NLRP10: variants seen among roughly 807,000 people sequenced by gnomAD.
The protein encoded by NLRP10 is NLR family pyrin domain containing 10, also known as NACHT, LRR and PYD domains-containing protein 10.
NLRP10 carries 7 observed loss-of-function variants against 8.2 expected under a neutral mutation model. The ratio of observed to expected loss-of-function variants is 0.85; its 90% confidence interval spans 0.48 to 1.60. The LOEUF is 1.60. NLRP10 is among the 40% of genes most tolerant of loss of function. The pLI is 0.00. For missense variants in NLRP10, 814 were observed against 776.3 expected (o/e 1.05, Z -0.58); for synonymous variants, 338 against 314.0 (o/e 1.08, Z -0.81).
Position 7,961,111 on chromosome 11 carries a change from G to C in NLRP10, c.501C>G (p.Ser167=). The change falls in exon 3 of 3, where the codon TCC becomes TCG. Residue 167 remains serine (S), a synonymous_variant. Transcript: ENST00000691676. The stretch of plus-strand genomic sequence containing the variant: ...CAGCCGACCCCTGTAGCACAACTAA[G>C]GATGGGGCCAGTGAGGGCTTTTCCC... The part of the protein sequence containing the change: ...DSGEKPSLAP[S]LVVLQGSAGT... The C allele has an allele frequency of 6.2e-7, 1 of 1,614,174 alleles. No homozygotes were observed. The highest frequency in any genetic ancestry group is 1.1e-5 in the South Asian group (1 of 91,076).
rs1392300596 is a variant in NLRP10, at chr11:7,959,661, T to C, written c.1951A>G (p.Lys651Glu). The change falls in exon 3 of 3, where the codon AAA becomes GAA. Residue 651 changes from lysine to glutamate, a missense_variant. Lys to Glu is a moderately conservative substitution (Grantham distance 56). Coordinates refer to ENST00000691676, the MANE Select transcript of NLRP10 (RefSeq NM_001391958.1). ...GKGRGTEETP[K>E]NTYI ...AATTAGGTTTATATGTAAGTATTTTTTGGTGTTTCCTCTGTCCCTCTGCCT... is the reference window on the plus strand; with the variant it reads ...AATTAGGTTTATATGTAAGTATTTTCTGGTGTTTCCTCTGTCCCTCTGCCT... The C allele has an allele frequency of 1.9e-6, 3 of 1,556,718 alleles. No individual in the cohort carries two copies. Among genetic ancestry groups the C allele is most frequent in the Non-Finnish European group, 1.7e-6 (2 of 1,153,314 alleles).
intron 1 of NLRP10, among the ~76,000 whole-genome samples, chr11:7,964,927 CATT>C (rs1214046935): frequency 1.2e-4 from 19 of 152,330 alleles, no homozygotes; most frequent in African/African-American, 3.6e-4. Flanking sequence ...TCACATTCAT[CATT>C]GAGAGTGTTC....
rs767768256 is a variant in NLRP10 at position 7,963,334 on chromosome 11, C to T, written c.162G>A (p.Pro54=). 16 of 1,614,114 alleles carry T rather than the reference C, an allele frequency of 9.9e-6. No individual in the cohort carries two copies. Among genetic ancestry groups the T allele is most frequent in the Middle Eastern group, 3.3e-4 (2 of 6,084 alleles). The change falls in exon 2 of 3, where the codon CCG becomes CCA. Residue 54 remains proline (P), a synonymous_variant. Transcript: ENST00000691676. ...AAATCAGTAATTCTGCCAGGTCCAC[C>T]GGAATCAGGCCCTCCAACTCCCCTC... ...LARGELEGLI[P]VDLAELLISK...
rs1290609122 is a variant in NLRP10 at position 7,958,486 on chromosome 11, T to C, written c.*1158A>G. Reference sequence around the variant, plus strand: ...CCCTAATGACATATGAAGTTGAGCGTCTTTTCAAATATTTATTTGCCATCT... The same window carrying C: ...CCCTAATGACATATGAAGTTGAGCGCCTTTTCAAATATTTATTTGCCATCT... On this transcript the variant is annotated 3_prime_UTR_variant, in exon 3 of 3. Transcript: ENST00000691676. Among the ~76,000 whole-genome samples, 1 of 152,192 alleles carries C rather than the reference T, an allele frequency of 6.6e-6. No homozygotes were observed. The highest frequency in any genetic ancestry group is 2.4e-5 in the African/African-American group (1 of 41,440).
intron 2 of NLRP10, among the ~76,000 whole-genome samples, chr11:7,962,125 G>A (rs1017372366): frequency 6.6e-6 from 1 of 150,486 alleles, no homozygotes; most frequent in East Asian, 2.0e-4. Context: ...TATGCCTCTT[G>A]TACCACCTGC....
rs1941652735 is a variant in NLRP10 at position 7,958,223 on chromosome 11, G to A, written c.*1421C>T. Among the ~76,000 whole-genome samples the A allele has an allele frequency of 6.6e-6, 1 of 152,150 alleles. No individual in the cohort carries two copies. The highest frequency in any genetic ancestry group is 2.1e-4 in the South Asian group (1 of 4,834). On this transcript the variant is annotated 3_prime_UTR_variant, in exon 3 of 3. Coordinates refer to ENST00000691676, the MANE Select transcript of NLRP10 (RefSeq NM_001391958.1). ...GTGGACATAAGTTTCCAACTCACTT[G>A]GGTTAATATCTAGGAGCATAATTGC... is the stretch of plus-strand genomic sequence containing the variant.
At chr11:7,963,985 G>A (rs1941778614) in intron 1 of NLRP10, among the ~76,000 whole-genome samples, 1 of 152,056 alleles carries the variant, frequency 6.6e-6, no homozygotes, top group Non-Finnish European at 1.5e-5. Flanking sequence ...GCAGTGGCAT[G>A]ATCTCGGCTC....
chr11:7,963,613 A>G (rs1374374303), intron 1 of NLRP10, 73 bp from the exon 2 acceptor site: 4 of 844,172 alleles, frequency 4.7e-6, no homozygotes, highest in African/African-American at 1.7e-5. Flanking sequence ...TGGCCAAGTT[A>G]TAGAGCGGAG....
chr11:7,962,367 C>T (rs1280458398), intron 2 of NLRP10, among the ~76,000 whole-genome samples: 1 of 151,458 alleles, frequency 6.6e-6, no homozygotes, highest in Non-Finnish European at 1.5e-5. Context: ...TCCCGTGTAG[C>T]TGGGACCACA....
In NLRP10 at chr11:7,960,968, A is replaced by G; in HGVS notation, c.644T>C (p.Leu215Pro). The stretch of plus-strand genomic sequence containing the variant: ...AAGGAGCTGCTCCAGTTTGCTCTCC[A>G]GCAGCAGGACCACTTCTTTGCAGCT... ...YVSCKEVVLL[L>P]ESKLEQLLFW... The change falls in exon 3 of 3, where the codon CTG (leucine) becomes CCG (proline). Residue 215 changes from leucine to proline, a missense_variant. Coordinates refer to ENST00000691676, the MANE Select transcript of NLRP10 (RefSeq NM_001391958.1). 6.2e-7 allele frequency: 1 copy of G among 1,614,188 alleles called. No individual in the cohort carries two copies. The highest frequency in any genetic ancestry group is 8.5e-7 in the Non-Finnish European group (1 of 1,180,034).
chr11:7,964,482 G>A (rs1941788108), intron 1 of NLRP10, among the ~76,000 whole-genome samples: 1 of 152,206 alleles, frequency 6.6e-6, no homozygotes, highest in Non-Finnish European at 1.5e-5. Flanking sequence ...TGTGCCAGGT[G>A]ATTTACATAT....
In NLRP10 at chr11:7,961,152, C is replaced by T. The variant is rs1208974981; in HGVS notation, c.460G>A (p.Ala154Thr). Residue 154 changes from alanine (A) to threonine (T), a missense_variant, in exon 3 of 3, where the codon GCT becomes ACT. Transcript: ENST00000691676. ...EQELESVTVE[A>T]LFDSGEKPSL... ...GGCTTTTCCCCTGAATCAAATAGAG[C>T]CTCCACCGTGACAGACTCCAGCTCC... The T allele has an allele frequency of 1.9e-6, 3 of 1,614,024 alleles. No individual in the cohort carries two copies. The highest frequency in any genetic ancestry group is 2.2e-5 in the South Asian group (2 of 91,046).
Position 7,962,811 on chromosome 11 carries a change from G to A in NLRP10, c.289+396C>T, listed in dbSNP as rs112236498. 3.0e-4 allele frequency among the ~76,000 whole-genome samples: 45 copies of A among 152,136 alleles called. No homozygotes were observed. The South Asian group carries it at 4.6e-3, about 15-fold the overall frequency. On this transcript the variant is annotated intron_variant, in intron 2 of 2. Coordinates refer to ENST00000691676, the MANE Select transcript of NLRP10 (RefSeq NM_001391958.1). Reference sequence around the variant, plus strand: ...TCAGGGCCACAGAAGACTTAGAAGCGCCTGAGCAGCTTGCCAGGAAGCAGC... The same window carrying A: ...TCAGGGCCACAGAAGACTTAGAAGCACCTGAGCAGCTTGCCAGGAAGCAGC...
chr11:7,965,111 A>G (rs1393498432), intron 1 of NLRP10, 135 bp downstream of exon 1: 2 of 152,260 alleles, frequency 1.3e-5, no homozygotes, highest in Non-Finnish European at 2.9e-5. Context: ...TCAATTTACA[A>G]CAAAGCTTCA....
intron 2 of NLRP10, 112 bp downstream of exon 2, chr11:7,963,095 G>T: frequency 1.9e-6 from 2 of 1,049,938 alleles, no homozygotes; most frequent in Non-Finnish European, 2.8e-6. Context: ...GGGACTAGAG[G>T]ACAAGGTGAC....
At position 7,958,616 on chromosome 11, in the gene NLRP10, C is replaced by T. The variant is rs1037429497; in HGVS notation, c.*1028G>A. ...CCAGGCTGGAGTGCAGTGGTGCGAT[C>T]TCAGCTCACTGCAACCTCCGCCTCC... On this transcript the variant is annotated 3_prime_UTR_variant, in exon 3 of 3. Transcript: ENST00000691676. Among the ~76,000 whole-genome samples the T allele has an allele frequency of 5.3e-5, 8 of 152,008 alleles. No individual in the cohort carries two copies. In the East Asian group the frequency reaches 1.5e-3, roughly 29 times the overall value.
In NLRP10 at chr11:7,960,628, G is replaced by A. The variant is rs1473171546; in HGVS notation, c.984C>T (p.Phe328=). ...CACGGTCAGCTTGCTTCTCATCCGTGAAATAGGAGCTGAAGTACCTCGCCC... is the reference window on the plus strand; with the variant it reads ...CACGGTCAGCTTGCTTCTCATCCGTAAAATAGGAGCTGAAGTACCTCGCCC... ...EERARYFSSY[F]TDEKQADRAF... is the part of the protein sequence containing the mutation. The change falls in exon 3 of 3, where the codon TTC becomes TTT. Residue 328 remains phenylalanine, a synonymous_variant. Coordinates refer to ENST00000691676, the MANE Select transcript of NLRP10 (RefSeq NM_001391958.1). The A allele has an allele frequency of 3.1e-6, 5 of 1,614,194 alleles. 1 individual carries two copies. Among genetic ancestry groups the A allele is most frequent in the East Asian group, 2.2e-5 (1 of 44,878 alleles).
rs752492677 is a variant in NLRP10 at position 7,960,638 on chromosome 11, C to G, written c.974G>C (p.Ser325Thr). The G allele has an allele frequency of 6.2e-7, 1 of 1,614,050 alleles. No homozygotes were observed. Among genetic ancestry groups the G allele is most frequent in the Non-Finnish European group, 8.5e-7 (1 of 1,180,040 alleles). Residue 325 changes from serine (S) to threonine (T), a missense_variant, in exon 3 of 3, where the codon AGC becomes ACC. Physicochemically the swap from Ser to Thr is moderately conservative, Grantham distance 58 (BLOSUM62 1). Coordinates refer to ENST00000691676, the MANE Select transcript of NLRP10 (RefSeq NM_001391958.1). ...FSEEERARYFSSYFTDEKQAD... is the reference protein window; with the variant it reads ...FSEEERARYFTSYFTDEKQAD... ...TTGCTTCTCATCCGTGAAATAGGAG[C>G]TGAAGTACCTCGCCCTCTCCTCCTC... is the stretch of plus-strand genomic sequence containing the variant.
In NLRP10 at chr11:7,960,648, T is replaced by C; in HGVS notation, c.964A>G (p.Arg322Gly). The C allele has an allele frequency of 6.2e-7, 1 of 1,614,146 alleles. No individual in the cohort carries two copies. Among genetic ancestry groups the C allele is most frequent in the Non-Finnish European group, 8.5e-7 (1 of 1,180,014 alleles). ...TCCGTGAAATAGGAGCTGAAGTACC[T>C]CGCCCTCTCCTCCTCAGAGAAGCCT... ...ILGFSEEERA[R>G]YFSSYFTDEK... The change falls in exon 3 of 3, where the codon AGG becomes GGG. Residue 322 changes from arginine (R) to glycine (G), a missense_variant. By Grantham distance (125) the Arg-to-Gly change is moderately radical. Coordinates refer to ENST00000691676, the MANE Select transcript of NLRP10 (RefSeq NM_001391958.1).
Sources: gnomAD v4.1 joint callset for allele counts (sites outside exome capture counted in the v4.1 genomes callset) on GRCh38, gnomAD v4.1.1 for gene constraint, MANE v1.5 for transcripts, NCBI Gene and HGNC (gene_info 2026-07-23, HGNC 2026-07-21) for gene names.